MRGPRX3: variants seen among roughly 807,000 people sequenced by gnomAD.
MRGPRX3 encodes the protein mas-related G protein-coupled receptor member X3.
MRGPRX3 carries 14 observed loss-of-function variants against 16.5 expected under a neutral mutation model. The observed-to-expected ratio is 0.85, with a 90% CI of 0.56 to 1.33. The LOEUF (loss-of-function observed/expected upper bound fraction) is 1.33. Among genes scored for constraint, MRGPRX3 ranks in the 40% most tolerant of loss-of-function variants. MRGPRX3 has a pLI of 0.00. For synonymous variants in MRGPRX3, 199 were observed against 180.1 expected (o/e 1.10, Z -0.84); for missense variants, 449 against 413.0 (o/e 1.09, Z -0.76).
upstream of MRGPRX3, among the ~76,000 whole-genome samples, chr11:18,127,954 G>A (rs1360855097): frequency 6.6e-6 from 1 of 152,184 alleles, no homozygotes; most frequent in Non-Finnish European, 1.5e-5. Flanking sequence ...GTTTTGGTGT[G>A]GATGTCCTTT....
At chr11:18,132,286 T>C (rs1213602233), upstream of MRGPRX3, among the ~76,000 whole-genome samples, 1 of 152,192 alleles carries the variant, frequency 6.6e-6, no homozygotes, top group Non-Finnish European at 1.5e-5. Flanking sequence ...TGTCAGGCCA[T>C]TGTCAGCCTT....
intron 1 of MRGPRX3, among the ~76,000 whole-genome samples, chr11:18,123,474 G>T (rs548456737): frequency 6.6e-6 from 1 of 152,204 alleles, no homozygotes; most frequent in South Asian, 2.1e-4. Flanking sequence ...TTTTTGTCAG[G>T]TTTGTCAAAT....
upstream of MRGPRX3, among the ~76,000 whole-genome samples, chr11:18,129,360 A>C (rs1848936872): frequency 6.6e-6 from 1 of 152,224 alleles, no homozygotes. Context: ...GAGATATTAC[A>C]ACCAATGCTA....
upstream of MRGPRX3, among the ~76,000 whole-genome samples, chr11:18,131,685 T>C (rs1168919512): frequency 6.6e-6 from 1 of 151,966 alleles, no homozygotes; most frequent in East Asian, 1.9e-4. Context: ...ATTAAATATG[T>C]ATAAATATAT....
At chr11:18,135,804 A>G (rs1243852983) in intron 1 of MRGPRX3, among the ~76,000 whole-genome samples, 1 of 152,188 alleles carries the variant, frequency 6.6e-6, no homozygotes, top group Non-Finnish European at 1.5e-5. Context: ...GAAAAAATGG[A>G]TCATGAGTCA....
intron 1 of MRGPRX3, among the ~76,000 whole-genome samples, chr11:18,127,175 C>A (rs1433176460): frequency 1.3e-5 from 2 of 152,206 alleles, no homozygotes; most frequent in Non-Finnish European, 2.9e-5. Flanking sequence ...TGTGGGTAAC[C>A]TGACCTTTCT....
upstream of MRGPRX3, among the ~76,000 whole-genome samples, chr11:18,132,108 A>G (rs1302025345): frequency 6.6e-6 from 1 of 152,228 alleles, no homozygotes; most frequent in Non-Finnish European, 1.5e-5. Flanking sequence ...AAAAAAGTTC[A>G]CTGTTCAGAG....
At chr11:18,121,924 T>C (rs1848842816) in intron 1 of MRGPRX3, among the ~76,000 whole-genome samples, 1 of 151,696 alleles carries the variant, frequency 6.6e-6, no homozygotes, top group African/African-American at 2.4e-5. Context: ...GTTTATCTGC[T>C]GACCTTCCCT....
At chr11:18,130,560 G>A (rs1332322635), upstream of MRGPRX3, among the ~76,000 whole-genome samples, 2 of 152,030 alleles carry the variant, frequency 1.3e-5, no homozygotes, top group Non-Finnish European at 2.9e-5. Context: ...CTCATGGATG[G>A]GTAGAATCAA....
At position 18,138,217 on chromosome 11, in the gene MRGPRX3, C is replaced by T. The variant is rs781131310; in HGVS notation, c.*46C>T. Reference sequence around the variant, plus strand: ...AGACAGGACTTTGAGAGCAATGCTGCCCTGCCACCCTTGACAATTATATGC... The same window carrying T: ...AGACAGGACTTTGAGAGCAATGCTGTCCTGCCACCCTTGACAATTATATGC... On this transcript the variant is annotated 3_prime_UTR_variant, in exon 2 of 2. Transcript: ENST00000621697. The T allele has an allele frequency of 3.6e-5, 55 of 1,539,204 alleles. No homozygotes were observed. The South Asian group carries it at 5.5e-4, about 15-fold the overall frequency.
intron 1 of MRGPRX3, among the ~76,000 whole-genome samples, chr11:18,124,413 G>A (rs1227477955): frequency 6.6e-6 from 1 of 152,136 alleles, no homozygotes; most frequent in Non-Finnish European, 1.5e-5. Flanking sequence ...GTTGAATTTT[G>A]TCAAAGGCCT....
intron 1 of MRGPRX3, among the ~76,000 whole-genome samples, chr11:18,134,037 T>A (rs1161560485): frequency 6.6e-6 from 1 of 152,216 alleles, no homozygotes; most frequent in Non-Finnish European, 1.5e-5. Flanking sequence ...TCCTCCTAAT[T>A]CCTGGGGCTT....
At chr11:18,124,479 CT>C (rs1331644782) in intron 1 of MRGPRX3, among the ~76,000 whole-genome samples, 1 of 152,094 alleles carries the variant, frequency 6.6e-6, no homozygotes, top group Non-Finnish European at 1.5e-5. Context: ...TGTTTATATG[CT>C]GGATTATGTT....
At chr11:18,134,234 A>G (rs1213770735) in intron 1 of MRGPRX3, among the ~76,000 whole-genome samples, 1 of 152,232 alleles carries the variant, frequency 6.6e-6, no homozygotes, top group Non-Finnish European at 1.5e-5. Context: ...TGATCTAATA[A>G]AGACATGAAG....
intron 1 of MRGPRX3, among the ~76,000 whole-genome samples, chr11:18,121,441 C>G (rs1422627515): frequency 1.3e-5 from 2 of 152,068 alleles, no homozygotes; most frequent in Non-Finnish European, 2.9e-5. Flanking sequence ...ACGCTCCGAC[C>G]GGGAGGGAGG....
upstream of MRGPRX3, among the ~76,000 whole-genome samples, chr11:18,129,198 A>C (rs1409466706): frequency 6.6e-6 from 1 of 152,252 alleles, no homozygotes; most frequent in Non-Finnish European, 1.5e-5. Context: ...CGATCAGAGC[A>C]GAACTAATTG....
At chr11:18,126,645 C>T (rs1416170589) in intron 1 of MRGPRX3, among the ~76,000 whole-genome samples, 1 of 152,072 alleles carries the variant, frequency 6.6e-6, no homozygotes, top group Non-Finnish European at 1.5e-5. Flanking sequence ...CTCCCCCTTC[C>T]CCCACCCCAC....
In MRGPRX3 at chr11:18,138,087, G is replaced by A; in HGVS notation, c.885G>A (p.Leu295=). 1 of 1,614,190 alleles carries A rather than the reference G, an allele frequency of 6.2e-7. No homozygotes were observed. Among genetic ancestry groups the A allele is most frequent in the Non-Finnish European group, 8.5e-7 (1 of 1,180,032 alleles). ...QNLKLVLQRA[L]QDTPEVDEGG... ...TGAAGCTGGTTCTCCAGAGGGCTCT[G>A]CAGGACACGCCTGAGGTGGATGAAG... Residue 295 remains leucine (L), a synonymous_variant, in exon 2 of 2, where the codon CTG becomes CTA. Coordinates refer to ENST00000621697, the MANE Select transcript of MRGPRX3 (RefSeq NM_001370464.1).
intron 1 of MRGPRX3, among the ~76,000 whole-genome samples, chr11:18,136,800 A>T (rs2004412): frequency 0.16 from 23,666 of 152,098 alleles, 1,955 homozygotes; most frequent in Middle Eastern, 0.27. Context: ...TCCAGAGATG[A>T]CCAGTCCTGG....
Sources: gnomAD v4.1 joint callset for allele counts (sites outside exome capture counted in the v4.1 genomes callset) on GRCh38, gnomAD v4.1.1 for gene constraint, MANE v1.5 for transcripts, NCBI Gene and HGNC (gene_info 2026-07-23, HGNC 2026-07-21) for gene names.